Variants in C20orf203 observed in about 807,000 individuals in gnomAD.
The protein encoded by C20orf203 is chromosome 20 open reading frame 203, also known as uncharacterized protein C20orf203.
In C20orf203, 16 loss-of-function variants were observed where a neutral mutation model predicts 15.9. The observed-to-expected ratio is 1.01, with a 90% CI of 0.68 to 1.53. The LOEUF is 1.53. Among genes scored for constraint, C20orf203 ranks in the 40% most tolerant of loss-of-function variants. The pLI is 0.00. For missense variants in C20orf203, 263 were observed against 247.5 expected, an observed-to-expected ratio of 1.06 and a Z score of -0.42; for synonymous variants, 98 against 97.2, an observed-to-expected ratio of 1.01 and a Z score of -0.05.
At chr20:32,639,392 C>G (rs930535077) in intron 5 of C20orf203, among the ~76,000 whole-genome samples, 3 of 152,176 alleles carry the variant, frequency 2.0e-5, no homozygotes, top group African/African-American at 7.2e-5. Flanking sequence ...GGCTTCCAAC[C>G]AGGCCAACCT....
chr20:32,651,969 AGGG>A lies in C20orf203; in HGVS notation c.-254_-252del, dbSNP rs1369965614. ...GAATCTGAGATTCACTCTGCCTTTA[AGGG>A]GACCCCAGTCTGGAAGGAGAGAGAA... is the stretch of plus-strand genomic sequence containing the variant. On this transcript the variant is annotated 5_prime_UTR_variant, in exon 2 of 6. Coordinates refer to ENST00000608990, the MANE Select transcript of C20orf203 (RefSeq NM_182584.4). 1 of 152,180 alleles carries A rather than the reference AGGG, an allele frequency of 6.6e-6. No individual in the cohort carries two copies. The highest frequency in any genetic ancestry group is 1.5e-5 in the Non-Finnish European group (1 of 68,062). 9.4% of individuals were successfully genotyped at this position (152,180 alleles called of 1,614,324 possible).
At position 32,673,716 on chromosome 20, in the gene C20orf203, ATTC is replaced by A. The variant is rs1320447841; in HGVS notation, c.-351_-349del. On this transcript the variant is annotated 5_prime_UTR_variant, in exon 1 of 6. Transcript: ENST00000608990. Reference sequence around the variant, plus strand: ...CTGCAATGACACGTTTGTCTGGGAGATTCTTCAAGGGCACATAAAACATATCTG... The same window carrying A: ...CTGCAATGACACGTTTGTCTGGGAGATTCAAGGGCACATAAAACATATCTG... 6.6e-6 allele frequency: 1 copy of A among 152,202 alleles called. No individual in the cohort carries two copies. Among genetic ancestry groups the A allele is most frequent in the Non-Finnish European group, 1.5e-5 (1 of 68,088 alleles). 9.4% of individuals were successfully genotyped at this position (152,202 alleles called of 1,614,324 possible).
intron 5 of C20orf203, among the ~76,000 whole-genome samples, chr20:32,637,701 G>T (rs193058019): frequency 6.6e-6 from 1 of 152,160 alleles, no homozygotes; most frequent in African/African-American, 2.4e-5. Context: ...TGATCACTGA[G>T]GTATTTCTGA....
chr20:32,652,344 A>AAAG (rs1982654347), intron 1 of C20orf203, among the ~76,000 whole-genome samples: 1 of 151,250 alleles, frequency 6.6e-6, no homozygotes, highest in Non-Finnish European at 1.5e-5. Context: ...AAAAAAAAAA[A>AAAG]AAAAGCAAAT....
chr20:32,665,632 C>A (rs1472844960), intron 1 of C20orf203, among the ~76,000 whole-genome samples: 1 of 152,116 alleles, frequency 6.6e-6, no homozygotes, highest in Non-Finnish European at 1.5e-5. Flanking sequence ...CAAGTGTGAG[C>A]CACACAGGGA....
At position 32,643,920 on chromosome 20, in the gene C20orf203, T is replaced by C. The variant is rs189671848; in HGVS notation, c.*1178-3233A>G. Among the ~76,000 whole-genome samples the C allele has an allele frequency of 2.8e-3, 431 of 152,134 alleles. 2 individuals carry two copies. The highest frequency in any genetic ancestry group is 0.01 in the African/African-American group (416 of 41,476). ...TTCTGTTTTTAAAACCCTTTCACACTCACCACCATGAAAGCATCATGGCCC... is the reference window on the plus strand; with the variant it reads ...TTCTGTTTTTAAAACCCTTTCACACCCACCACCATGAAAGCATCATGGCCC... On this transcript the variant is annotated intron_variant, in intron 4 of 5. Transcript: ENST00000608990.
At chr20:32,653,287 C>A (rs1317370323) in intron 1 of C20orf203, among the ~76,000 whole-genome samples, 3 of 152,200 alleles carry the variant, frequency 2.0e-5, no homozygotes, top group African/African-American at 7.2e-5. Flanking sequence ...AATACAAGAA[C>A]AGAACCCAGA....
rs1469257730 is a variant in C20orf203 at position 32,640,649 on chromosome 20, C to G, written c.*1216G>C. ...GAGGTTGCAGCGAGCTGAGATCACG[C>G]CACTGCACTCCATCCAGCCTGGGCA... On this transcript the variant is annotated 3_prime_UTR_variant, in exon 5 of 6. Coordinates refer to ENST00000608990, the MANE Select transcript of C20orf203 (RefSeq NM_182584.4). 6.6e-6 allele frequency: 1 copy of G among 152,190 alleles called. No homozygotes were observed. The highest frequency in any genetic ancestry group is 2.4e-5 in the African/African-American group (1 of 41,436). The allele number at this position is 152,190 out of a possible 1,614,324, so 9.4% of individuals were successfully genotyped here.
intron 4 of C20orf203, among the ~76,000 whole-genome samples, chr20:32,644,218 C>T (rs181863024): frequency 6.6e-6 from 1 of 152,222 alleles, no homozygotes; most frequent in African/African-American, 2.4e-5. Flanking sequence ...GAGGCCGAGG[C>T]GGGTGGATTG....
chr20:32,639,855 C>T (rs903837251), intron 5 of C20orf203, among the ~76,000 whole-genome samples: 4 of 152,094 alleles, frequency 2.6e-5, no homozygotes, highest in East Asian at 1.9e-4. Context: ...GAGCTGTGCC[C>T]GGTCAGAGCA....
chr20:32,667,234 G>A (rs1425194212), intron 1 of C20orf203, among the ~76,000 whole-genome samples: 2 of 152,092 alleles, frequency 1.3e-5, no homozygotes, highest in Non-Finnish European at 2.9e-5. Context: ...CAAGAGCTTC[G>A]AGGTCGTGGG....
rs1224460748 is a variant in C20orf203, at chr20:32,631,708, C to A, written c.*3862G>T. On this transcript the variant is annotated 3_prime_UTR_variant, in exon 6 of 6. Coordinates refer to ENST00000608990, the MANE Select transcript of C20orf203 (RefSeq NM_182584.4). ...AATGAGAATATTTTCCTGAAATATT[C>A]GTCTGATGCTAAAAATTAAAGAAGA... The A allele has an allele frequency of 6.6e-6, 1 of 152,118 alleles. No individual in the cohort carries two copies. The highest frequency in any genetic ancestry group is 1.5e-5 in the Non-Finnish European group (1 of 68,024). 9.4% of individuals were successfully genotyped at this position (152,118 alleles called of 1,614,324 possible).
At chr20:32,667,338 T>C (rs1983060509) in intron 1 of C20orf203, among the ~76,000 whole-genome samples, 1 of 152,198 alleles carries the variant, frequency 6.6e-6, no homozygotes, top group African/African-American at 2.4e-5. Context: ...GCAGGTGAGA[T>C]TGGCTGCCCA....
At chr20:32,672,553 A>T (rs1983199061) in intron 1 of C20orf203, among the ~76,000 whole-genome samples, 1 of 148,614 alleles carries the variant, frequency 6.7e-6, no homozygotes, top group Non-Finnish European at 1.5e-5. Context: ...AGTCTGGGTG[A>T]CAGAGCAAGA....
At chr20:32,670,165 G>C (rs1321993287) in intron 1 of C20orf203, among the ~76,000 whole-genome samples, 1 of 151,368 alleles carries the variant, frequency 6.6e-6, no homozygotes, top group Non-Finnish European at 1.5e-5. Context: ...AGCCGAGATT[G>C]AGCCACTGCA....
chr20:32,650,750 G>C lies in C20orf203; in HGVS notation c.267C>G (p.His89Gln). 1 of 1,531,490 alleles carries C rather than the reference G, an allele frequency of 6.5e-7. No homozygotes were observed. The highest frequency in any genetic ancestry group is 8.8e-7 in the Non-Finnish European group (1 of 1,136,938). 94.9% of individuals were successfully genotyped at this position (1,531,490 alleles called of 1,614,324 possible). ...SHQRQPPPPQ[H>Q]PGPYQERIWV... ...AAATCCTTTCCTGATAAGGGCCTGG[G>C]TGTTGCGGAGGAGGAGGCTGGCGCT... Residue 89 changes from histidine (H) to glutamine (Q), a missense_variant, in exon 4 of 6, where the codon CAC becomes CAG. Transcript: ENST00000608990.
rs929157960 is a variant in C20orf203 at position 32,638,820 on chromosome 20, AG to A, written c.*1299+1745del. Among the ~76,000 whole-genome samples, 77 of 152,274 alleles carry A rather than the reference AG, an allele frequency of 5.1e-4. 1 individual carries two copies. The highest frequency in any genetic ancestry group is 3.4e-3 in the Middle Eastern group (1 of 294). On this transcript the variant is annotated intron_variant, in intron 5 of 5. Coordinates refer to ENST00000608990, the MANE Select transcript of C20orf203 (RefSeq NM_182584.4). The stretch of plus-strand genomic sequence containing the variant: ...GCACTGGCCCTGGAGAGAAGCAGAA[AG>A]GGGGGGCGGGCAGCATCCCCTGTCC...
chr20:32,637,553 A>G (rs12624715), intron 5 of C20orf203, among the ~76,000 whole-genome samples: 24,417 of 151,538 alleles, frequency 0.16, 3,143 homozygotes, highest in East Asian at 0.52. Context: ...TAGCCTCCCC[A>G]CTCCCCACCC....
At chr20:32,673,178 C>T (rs952915276) in intron 1 of C20orf203, among the ~76,000 whole-genome samples, 1 of 152,150 alleles carries the variant, frequency 6.6e-6, no homozygotes, top group Non-Finnish European at 1.5e-5. Context: ...GCCCGCCCTC[C>T]TGAGGAGCCC....
Sources: allele counts gnomAD v4.1 joint callset (sites outside exome capture counted in the v4.1 genomes callset), GRCh38; gene constraint gnomAD v4.1.1; transcripts MANE v1.5; gene names NCBI Gene and HGNC (gene_info 2026-07-23, HGNC 2026-07-21).